PLAGL1: variants seen among roughly 807,000 people sequenced by gnomAD.
PLAGL1 encodes PLAG1 like zinc finger 1.
A neutral mutation model predicts 4.6 loss-of-function variants in PLAGL1; 1 was observed. The ratio of observed to expected loss-of-function variants is 0.22; its 90% CI spans 0.08 to 1.03. The LOEUF (loss-of-function observed/expected upper bound fraction) is 1.03, where lower values mean the gene tolerates loss of function less well. Ranked by LOEUF, PLAGL1 falls within the 50% of genes least tolerant of loss-of-function variation. PLAGL1 has a pLI of 0.58. For synonymous variants in PLAGL1, 240 were observed against 237.8 expected (o/e 1.01, Z -0.08); for missense variants, 464 against 570.4 (o/e 0.81, Z 1.90).
intron 7 of PLAGL1, among the ~76,000 whole-genome samples, chr6:143,946,676 C>A (rs1170360325): frequency 6.6e-6 from 1 of 152,180 alleles, no homozygotes; most frequent in Non-Finnish European, 1.5e-5. Context: ...AGGGTCACTC[C>A]AAGATTTCAT....
chr6:144,017,420 C>T (rs1023546584), intron 1 of PLAGL1, among the ~76,000 whole-genome samples: 21 of 152,152 alleles, frequency 1.4e-4, no homozygotes, highest in African/African-American at 5.1e-4. Context: ...TTGAAGTTTT[C>T]CCCAAGCAAA....
rs547790997 is a variant in PLAGL1 at position 143,997,475 on chromosome 6, C to T, written c.-584+10615G>A. The stretch of plus-strand genomic sequence containing the variant: ...AACTACCTATTGATAGATGCATCAA[C>T]ACAGATGACTCTAAAAAATTTACGC... On this transcript the variant is annotated intron_variant, in intron 1 of 7. Transcript: ENST00000674357. The surrounding 1 kb of genome is among the most constrained non-coding windows in gnomAD (Gnocchi z 4.6). 6.6e-6 allele frequency among the ~76,000 whole-genome samples: 1 copy of T among 152,320 alleles called. No individual in the cohort carries two copies. The highest frequency in any genetic ancestry group is 1.9e-4 in the East Asian group (1 of 5,188).
rs148955178 is a variant in PLAGL1, at chr6:143,947,637, G to A, written c.152+348C>T. Among the ~76,000 whole-genome samples, 90 of 152,294 alleles carry A rather than the reference G, an allele frequency of 5.9e-4. No individual in the cohort carries two copies. The highest frequency in any genetic ancestry group is 2.0e-3 in the African/African-American group (85 of 41,548). ...AAAGATTGTCCCCATCTGAGAAGCC[G>A]TCCCAGGTTTCATCAGGCAGTGAAG... On this transcript the variant is annotated intron_variant, in intron 7 of 7. Transcript: ENST00000674357. The surrounding 1 kb of genome is among the most constrained non-coding windows in gnomAD (Gnocchi z 4.3).
At chr6:144,046,606 C>A (rs961888778) in intron 1 of PLAGL1, among the ~76,000 whole-genome samples, 7 of 152,144 alleles carry the variant, frequency 4.6e-5, no homozygotes, top group African/African-American at 1.4e-4. Flanking sequence ...TTAGTTGGCC[C>A]CTACTGGGAG....
rs1408502693 is a variant in PLAGL1 at position 143,941,728 on chromosome 6, T to G, written c.1088A>C (p.Lys363Thr). 6.2e-7 allele frequency: 1 copy of G among 1,614,230 alleles called. No individual in the cohort carries two copies. The highest frequency in any genetic ancestry group is 8.5e-7 in the Non-Finnish European group (1 of 1,180,032). Residue 363 changes from lysine (K) to threonine (T), a missense_variant, in exon 8 of 8, where the codon AAG becomes ACG. Physicochemically the swap from Lys to Thr is moderately conservative, Grantham distance 78. Transcript: ENST00000674357. This position sits in a 1 kb window ranked among gnomAD's most constrained non-coding sequence, Gnocchi z 6.0. ...KGNAGKVNLPKELPADAVNLT... is the reference protein window; with the variant it reads ...KGNAGKVNLPTELPADAVNLT... ...GTTCACAGCATCTGCAGGCAGCTCC[T>G]TGGGCAGGTTTACTTTACCAGCATT...
rs543080356 is a variant in PLAGL1 at position 144,025,169 on chromosome 6, G to A, written c.-151+39299C>T. On this transcript the variant is annotated intron_variant, in intron 1 of 3. Coordinates refer to the PLAGL1 transcript ENST00000437412. ...TGTACCCTTTTCCTTTACTTTTGTA[G>A]TCTTCCCTCAAACCCCAGTCTAACC... Among the ~76,000 whole-genome samples, 142 of 152,276 alleles carry A rather than the reference G, an allele frequency of 9.3e-4. 1 individual carries two copies. The highest frequency in any genetic ancestry group is 3.3e-3 in the African/African-American group (136 of 41,558).
At position 143,942,003 on chromosome 6, in the gene PLAGL1, G is replaced by A. The variant is rs149291080; in HGVS notation, c.813C>T (p.Ala271=). ...HSLTLSPPEQ[A]AQPMQPLPES... ...CTGGCAGCGGCTGCATAGGCTGGGC[G>A]GCTTGTTCTGGGGGACTGAGGGTGA... The change falls in exon 8 of 8, where the codon GCC becomes GCT. Residue 271 remains alanine (A), a synonymous_variant. Transcript: ENST00000674357. This position sits in a 1 kb window ranked among gnomAD's most constrained non-coding sequence, Gnocchi z 7.6. 1.1e-3 allele frequency: 1,809 copies of A among 1,593,060 alleles called. 18 individuals are homozygous for A. In the African/African-American group the frequency reaches 0.021, roughly 19 times the overall value.
In PLAGL1 at chr6:143,945,633, G is replaced by A. The variant is rs1212988422; in HGVS notation, c.152+2352C>T. Among the ~76,000 whole-genome samples the A allele has an allele frequency of 6.6e-6, 1 of 152,044 alleles. No individual in the cohort carries two copies. The highest frequency in any genetic ancestry group is 1.5e-5 in the Non-Finnish European group (1 of 68,010). On this transcript the variant is annotated intron_variant, in intron 7 of 7. Coordinates refer to ENST00000674357, the MANE Select transcript of PLAGL1 (RefSeq NM_001317162.2). This position sits in a 1 kb window ranked among gnomAD's most constrained non-coding sequence, Gnocchi z 4.2. ...TGGGATTACAGGCGTGTACCACCAC[G>A]CCCAGCTAATTTTTTGTATTTTTAG...
rs1244719407 is a variant in PLAGL1 at position 143,950,052 on chromosome 6, C to T, written c.-324-1592G>A. Among the ~76,000 whole-genome samples, 4 of 152,190 alleles carry T rather than the reference C, an allele frequency of 2.6e-5. No individual in the cohort carries two copies. The highest frequency in any genetic ancestry group is 4.4e-5 in the Non-Finnish European group (3 of 68,038). On this transcript the variant is annotated intron_variant, in intron 6 of 7. Coordinates refer to ENST00000674357, the MANE Select transcript of PLAGL1 (RefSeq NM_001317162.2). The surrounding 1 kb of genome is among the most constrained non-coding windows in gnomAD (Gnocchi z 6.3). ...CCTCATCTTCTGTTGTAGATGTTTT[C>T]AGTGTCTGGACAGAGTTCGCGGTAC...
At chr6:143,944,906 C>T (rs1429273729) in intron 7 of PLAGL1, among the ~76,000 whole-genome samples, 1 of 151,754 alleles carries the variant, frequency 6.6e-6, no homozygotes, top group Non-Finnish European at 1.5e-5. Flanking sequence ...CATTTATCAC[C>T]CATGGGTAGA....
At position 143,949,735 on chromosome 6, in the gene PLAGL1, G is replaced by A. The variant is rs1780617930; in HGVS notation, c.-324-1275C>T. Among the ~76,000 whole-genome samples, 1 of 152,242 alleles carries A rather than the reference G, an allele frequency of 6.6e-6. No homozygotes were observed. Among genetic ancestry groups the A allele is most frequent in the South Asian group, 2.1e-4 (1 of 4,830 alleles). ...GGCCAGCATTTGCTGAACTTTGCCAGTAAGCAGGGCACTTCATGGTAAACT... is the reference window on the plus strand; with the variant it reads ...GGCCAGCATTTGCTGAACTTTGCCAATAAGCAGGGCACTTCATGGTAAACT... On this transcript the variant is annotated intron_variant, in intron 6 of 7. Transcript: ENST00000674357. The surrounding 1 kb of genome is among the most constrained non-coding windows in gnomAD (Gnocchi z 5.3).
At chr6:144,001,105 T>A (rs537969900) in intron 1 of PLAGL1, among the ~76,000 whole-genome samples, 5 of 151,762 alleles carry the variant, frequency 3.3e-5, no homozygotes, top group African/African-American at 9.7e-5. Flanking sequence ...TGGCTGATTC[T>A]AAGGTTGGGG....
At chr6:144,024,280 C>T (rs751097756) in intron 1 of PLAGL1, among the ~76,000 whole-genome samples, 4 of 152,144 alleles carry the variant, frequency 2.6e-5, no homozygotes, top group Non-Finnish European at 5.9e-5. Flanking sequence ...TTGGAGAAAG[C>T]ATTCATGTGA....
In PLAGL1 at chr6:143,970,911, T is replaced by C. The variant is rs572215515; in HGVS notation, c.-543-1933A>G. On this transcript the variant is annotated intron_variant, in intron 2 of 7. Coordinates refer to ENST00000674357, the MANE Select transcript of PLAGL1 (RefSeq NM_001317162.2). The surrounding 1 kb of genome is among the most constrained non-coding windows in gnomAD (Gnocchi z 5.8). Reference sequence around the variant, plus strand: ...CCTGTCTGTAGTTCTTTTTTATTAATGTAGACAAAGATATGCCTCACTGCT... The same window carrying C: ...CCTGTCTGTAGTTCTTTTTTATTAACGTAGACAAAGATATGCCTCACTGCT... Among the ~76,000 whole-genome samples the C allele has an allele frequency of 5.3e-4, 81 of 152,350 alleles. No homozygotes were observed. Among genetic ancestry groups the C allele is most frequent in the African/African-American group, 1.9e-3 (80 of 41,590 alleles).
intron 1 of PLAGL1, among the ~76,000 whole-genome samples, chr6:144,057,270 A>G (rs1191028553): frequency 1.3e-5 from 2 of 152,270 alleles, no homozygotes; most frequent in Non-Finnish European, 2.9e-5. Flanking sequence ...TACTTTGCAC[A>G]TTGCAAATCG....
intron 1 of PLAGL1, among the ~76,000 whole-genome samples, chr6:143,998,791 G>T (rs1192383943): frequency 6.6e-6 from 1 of 152,074 alleles, no homozygotes; most frequent in African/African-American, 2.4e-5. Flanking sequence ...AACATTTAAG[G>T]CAGGGGAAAT....
chr6:143,987,036 G>A (rs1292667637), intron 1 of PLAGL1, among the ~76,000 whole-genome samples: 1 of 152,162 alleles, frequency 6.6e-6, no homozygotes, highest in Non-Finnish European at 1.5e-5. Flanking sequence ...TGGGAGGGAA[G>A]TTAATTCATT....
intron 3 of PLAGL1, chr6:143,967,782 A>C (rs139387226): frequency 1.3e-5 from 2 of 152,294 alleles, no homozygotes; most frequent in Admixed American, 6.5e-5. Flanking sequence ...GAATCCAAGC[A>C]CACGACCTAA....
chr6:144,029,981 C>T (rs186836396), intron 1 of PLAGL1, among the ~76,000 whole-genome samples: 150 of 152,134 alleles, frequency 9.9e-4, no homozygotes, highest in African/African-American at 3.4e-3. Flanking sequence ...TGACTGGGCG[C>T]GGTGGCTCAC....
Sources: allele counts gnomAD v4.1 joint callset (sites outside exome capture counted in the v4.1 genomes callset), GRCh38; gene constraint gnomAD v4.1.1; non-coding constraint Gnocchi (gnomAD v3.1); transcripts MANE v1.5; gene names NCBI Gene and HGNC (gene_info 2026-07-23, HGNC 2026-07-21).